The following MAP3K4 variants were observed in gnomAD, a reference collection of about 807,000 sequenced individuals.
MAP3K4 encodes the protein mitogen-activated protein kinase kinase kinase 4.
MAP3K4 carries 67 observed loss-of-function variants against 185.6 expected under a neutral mutation model. The ratio of observed to expected loss-of-function variants is 0.36; its 90% CI spans 0.30 to 0.44. The LOEUF is 0.44. Ranked by LOEUF, MAP3K4 falls within the 20% of genes least tolerant of loss-of-function variation. The probability of loss-of-function intolerance (pLI) is 1.00; values close to 1 mark genes in which losing one functional copy is unlikely to be tolerated. For missense variants in MAP3K4, 1,551 were observed against 1,995.1 expected, an observed-to-expected ratio of 0.78 and a Z score of 4.24; for synonymous variants, 702 against 710.4, an observed-to-expected ratio of 0.99 and a Z score of 0.19.
chr6:161,013,956 T>A (rs1165005182), intron 1 of MAP3K4, among the ~76,000 whole-genome samples: 4 of 152,216 alleles, frequency 2.6e-5, no homozygotes, highest in Non-Finnish European at 1.5e-5. Context: ...CTGTTTTAGC[T>A]AGTCCTCAGT....
At chr6:161,083,805 C>G (rs1343412809) in intron 6 of MAP3K4, among the ~76,000 whole-genome samples, 1 of 152,214 alleles carries the variant, frequency 6.6e-6, no homozygotes, top group Non-Finnish European at 1.5e-5. Flanking sequence ...GGACATGAAG[C>G]CATGCCTTCA....
At position 161,088,477 on chromosome 6, in the gene MAP3K4, G is replaced by C. The variant is rs529775549; in HGVS notation, c.2823+523G>C. ...AGTGTTCATATGCACCTTGAGCTCA[G>C]CCTCACCAGAACTGAGTATACACTG... On this transcript the variant is annotated intron_variant, in intron 10 of 26. Coordinates refer to ENST00000392142, the MANE Select transcript of MAP3K4 (RefSeq NM_005922.4). This position sits in a 1 kb window ranked among gnomAD's most constrained non-coding sequence, Gnocchi z 4.5. 7.1e-4 allele frequency among the ~76,000 whole-genome samples: 108 copies of C among 152,228 alleles called. 1 individual carries two copies. Among genetic ancestry groups the C allele is most frequent in the Middle Eastern group, 3.4e-3 (1 of 294 alleles).
intron 1 of MAP3K4, among the ~76,000 whole-genome samples, chr6:161,019,128 A>C (rs563191159): frequency 6.6e-6 from 1 of 152,312 alleles, no homozygotes. Flanking sequence ...TTTTTTAAGA[A>C]GTAGTGGTTG....
At chr6:160,992,544 C>T (rs1365237370) in intron 1 of MAP3K4, among the ~76,000 whole-genome samples, 1 of 152,210 alleles carries the variant, frequency 6.6e-6, no homozygotes, top group East Asian at 1.9e-4. Flanking sequence ...TCTCCTCCTC[C>T]TCTCCTTTTG....
intron 1 of MAP3K4, among the ~76,000 whole-genome samples, chr6:161,000,808 TATATAC>T (rs564422081): frequency 0.021 from 2,969 of 144,292 alleles, 111 homozygotes; most frequent in African/African-American, 0.076. Context: ...TGTACACCCA[TATATAC>T]ACACATGTGT....
At chr6:161,081,393 C>T (rs1785449544) in intron 6 of MAP3K4, among the ~76,000 whole-genome samples, 1 of 151,992 alleles carries the variant, frequency 6.6e-6, no homozygotes, top group Non-Finnish European at 1.5e-5. Context: ...GAACTTCTGC[C>T]CTAGAATAAA....
At position 161,115,520 on chromosome 6, in the gene MAP3K4, A is replaced by G. The variant is rs1411239410; in HGVS notation, c.4806+218A>G. ...GATCTGTTTTGATGGTGCATTTAAG[A>G]TACACCAGAGACAGTAAAATGGACT... On this transcript the variant is annotated intron_variant, in intron 26 of 26. Coordinates refer to ENST00000392142, the MANE Select transcript of MAP3K4 (RefSeq NM_005922.4). This position sits in a 1 kb window ranked among gnomAD's most constrained non-coding sequence, Gnocchi z 6.0. Among the ~76,000 whole-genome samples, 1 of 152,216 alleles carries G rather than the reference A, an allele frequency of 6.6e-6. No homozygotes were observed. The highest frequency in any genetic ancestry group is 1.5e-5 in the Non-Finnish European group (1 of 68,046).
At position 161,084,648 on chromosome 6, in the gene MAP3K4, T is replaced by G; in HGVS notation, c.2372+31T>G. 8.1e-7 allele frequency: 1 copy of G among 1,233,148 alleles called. No homozygotes were observed. The highest frequency in any genetic ancestry group is 1.2e-6 in the Non-Finnish European group (1 of 833,170). 76.4% of individuals were successfully genotyped at this position (1,233,148 alleles called of 1,614,324 possible). The stretch of plus-strand genomic sequence containing the variant: ...AGTTGTGCTTCCTTTCCCCTTCCAC[T>G]TCTTATCTCGTAGTTTCCTTCCTCA... On this transcript the variant is annotated intron_variant, in intron 7 of 26. Coordinates refer to ENST00000392142, the MANE Select transcript of MAP3K4 (RefSeq NM_005922.4). This position sits in a 1 kb window ranked among gnomAD's most constrained non-coding sequence, Gnocchi z 4.6.
At position 161,115,099 on chromosome 6, in the gene MAP3K4, A is replaced by G. The variant is rs1376635651; in HGVS notation, c.4627-24A>G. 12 of 1,588,554 alleles carry G rather than the reference A, an allele frequency of 7.6e-6. No individual in the cohort carries two copies. The highest frequency in any genetic ancestry group is 1.0e-5 in the Non-Finnish European group (12 of 1,163,780). The stretch of plus-strand genomic sequence containing the variant: ...TGTGGCTGTGTAATATTAAAATCTG[A>G]TTTTTTAAAAACATCTTTTTTAGAG... On this transcript the variant is annotated intron_variant, in intron 25 of 26. Transcript: ENST00000392142. The surrounding 1 kb of genome is among the most constrained non-coding windows in gnomAD (Gnocchi z 6.0).
rs1785702815 is a variant in MAP3K4 at position 161,086,164 on chromosome 6, T to C, written c.2373-215T>C. On this transcript the variant is annotated intron_variant, in intron 7 of 26. Transcript: ENST00000392142. The surrounding 1 kb of genome is among the most constrained non-coding windows in gnomAD (Gnocchi z 4.8). ...GGTTATTAAATGTGCCCTGCTTACA[T>C]TGAAAGGATATGAATATTTTCTACA... Among the ~76,000 whole-genome samples, 1 of 152,198 alleles carries C rather than the reference T, an allele frequency of 6.6e-6. No individual in the cohort carries two copies. The highest frequency in any genetic ancestry group is 1.5e-5 in the Non-Finnish European group (1 of 68,038).
Position 160,992,038 on chromosome 6 carries a change from C to G in MAP3K4, c.107C>G (p.Pro36Arg). 6.4e-7 allele frequency: 1 copy of G among 1,574,308 alleles called. No homozygotes were observed. The highest frequency in any genetic ancestry group is 8.6e-7 in the Non-Finnish European group (1 of 1,166,832). ...CCGCCGCCGCCGCCACCACCGCCAC[C>G]GGAACCCGAGACCGAGTCAGAACCC... is the stretch of plus-strand genomic sequence containing the variant. ...PPPPPPPPPP[P>R]EPETESEPEC... Residue 36 changes from proline to arginine, a missense_variant, in exon 1 of 27, where the codon CCG (proline) becomes CGG (arginine). By Grantham distance (103) the Pro-to-Arg change is moderately radical. Coordinates refer to ENST00000392142, the MANE Select transcript of MAP3K4 (RefSeq NM_005922.4).
In MAP3K4 at chr6:161,049,148, A is replaced by G. The variant is rs1208558146; in HGVS notation, c.876A>G (p.Pro292=). The G allele has an allele frequency of 3.1e-6, 5 of 1,614,034 alleles. No individual in the cohort carries two copies. In the South Asian group the frequency reaches 4.4e-5, roughly 14 times the overall value. The change falls in exon 3 of 27, where the codon CCA becomes CCG. Residue 292 remains proline, a synonymous_variant. Transcript: ENST00000392142. This position sits in a 1 kb window ranked among gnomAD's most constrained non-coding sequence, Gnocchi z 8.4. ...FFLYTARQAI[P]DIINEILTFK... The stretch of plus-strand genomic sequence containing the variant: ...TATATACAGCCCGTCAAGCCATCCC[A>G]GATATTATTAATGAAATCCTTACTT...
At chr6:161,002,406 A>G (rs1781363693) in intron 1 of MAP3K4, among the ~76,000 whole-genome samples, 1 of 152,168 alleles carries the variant, frequency 6.6e-6, no homozygotes, top group Non-Finnish European at 1.5e-5. Context: ...CACGTAATAA[A>G]ACTAGATTGA....
At chr6:161,092,942 G>A in intron 13 of MAP3K4, 36 bp from the exon 14 acceptor site, 1 of 1,295,746 alleles carries the variant, frequency 7.7e-7, no homozygotes, top group Non-Finnish European at 1.1e-6. Context: ...CGTTTTCTTG[G>A]TTGTTATGTG....
intron 1 of MAP3K4, among the ~76,000 whole-genome samples, chr6:161,016,053 C>G (rs1782090486): frequency 6.6e-6 from 1 of 152,096 alleles, no homozygotes; most frequent in African/African-American, 2.4e-5. Context: ...AACGCGTTGT[C>G]TGACGTTTTA....
intron 3 of MAP3K4, among the ~76,000 whole-genome samples, chr6:161,062,555 C>A (rs13209847): frequency 0.059 from 9,019 of 152,236 alleles, 419 homozygotes; most frequent in East Asian, 0.25. Context: ...CTCAGGAGGA[C>A]AGCATTTCCT....
rs1044156700 is a variant in MAP3K4, at chr6:161,074,122, C to T, written c.2097+510C>T. Among the ~76,000 whole-genome samples, 9 of 152,156 alleles carry T rather than the reference C, an allele frequency of 5.9e-5. No homozygotes were observed. The highest frequency in any genetic ancestry group is 1.9e-4 in the East Asian group (1 of 5,190). ...TGGGACTAGGCATGGTAGATGGTAACGCCCCCGAGGGCTCGGTGCCAGCAG... is the reference window on the plus strand; with the variant it reads ...TGGGACTAGGCATGGTAGATGGTAATGCCCCCGAGGGCTCGGTGCCAGCAG... On this transcript the variant is annotated intron_variant, in intron 5 of 26. Transcript: ENST00000392142. This position sits in a 1 kb window ranked among gnomAD's most constrained non-coding sequence, Gnocchi z 5.0.
intron 19 of MAP3K4, 102 bp downstream of exon 19, chr6:161,102,881 AT>A: frequency 1.4e-6 from 1 of 690,192 alleles, no homozygotes; most frequent in Non-Finnish European, 2.4e-6. Context: ...CTTCTGAATT[AT>A]TAGGCCTCCT....
Position 161,082,090 on chromosome 6 carries a change from CT to C in MAP3K4, c.2255+1057del, listed in dbSNP as rs1434302288. Among the ~76,000 whole-genome samples the C allele has an allele frequency of 2.0e-5, 3 of 151,994 alleles. No homozygotes were observed. Among genetic ancestry groups the C allele is most frequent in the African/African-American group, 7.3e-5 (3 of 41,364 alleles). On this transcript the variant is annotated intron_variant, in intron 6 of 26. Coordinates refer to ENST00000392142, the MANE Select transcript of MAP3K4 (RefSeq NM_005922.4). The surrounding 1 kb of genome is among the most constrained non-coding windows in gnomAD (Gnocchi z 4.2). Reference sequence around the variant, plus strand: ...CACTTCTCTGTTCTAATGGCCAGTTCTTTTTACATCCTCTCTCTTTATTTGG... The same window carrying C: ...CACTTCTCTGTTCTAATGGCCAGTTCTTTTACATCCTCTCTCTTTATTTGG...
Sources: gnomAD v4.1 joint callset for allele counts (sites outside exome capture counted in the v4.1 genomes callset) on GRCh38, gnomAD v4.1.1 for gene constraint, Gnocchi (gnomAD v3.1) non-coding constraint, MANE v1.5 for transcripts, NCBI Gene and HGNC (gene_info 2026-07-23, HGNC 2026-07-21) for gene names.